Variants in SLC14A2 observed in about 807,000 individuals in gnomAD.
The protein encoded by SLC14A2 is urea transporter 2.
In SLC14A2, 91 loss-of-function variants were observed where a neutral mutation model predicts 104.6. That is an observed-to-expected ratio of 0.87 (90% CI 0.73 to 1.04). The LOEUF (loss-of-function observed/expected upper bound fraction) is 1.04. Ranked by LOEUF, SLC14A2 falls within the 50% of genes least tolerant of loss-of-function variation. The pLI, the probability that SLC14A2 is intolerant of heterozygous loss-of-function variation, is 0.00. For missense variants in SLC14A2, 1,189 were observed against 1,156.0 expected (o/e 1.03, Z -0.41); for synonymous variants, 476 against 466.4 (o/e 1.02, Z -0.27).
chr18:45,654,453 GA>G (rs2045796225), intron 10 of SLC14A2, among the ~76,000 whole-genome samples: 2 of 152,188 alleles, frequency 1.3e-5, no homozygotes, highest in African/African-American at 2.4e-5. Flanking sequence ...GCCCAGGTAA[GA>G]AGTCCTGGGG....
At chr18:45,182,139 TAAAG>T in the SLC14A2 span, among the ~76,000 whole-genome samples, 1,200 of 151,972 alleles carry the variant, frequency 7.9e-3, 22 homozygotes, top group African/African-American at 0.027. Context: ...ATCTAAAAAA[TAAAG>T]AGAGTAAAAT....
chr18:45,461,843 A>G (rs373306371), intron 1 of SLC14A2, among the ~76,000 whole-genome samples: 4 of 152,296 alleles, frequency 2.6e-5, no homozygotes, highest in African/African-American at 9.6e-5. Flanking sequence ...GCAACTCATC[A>G]ATTCTTCGTA....
intron 1 of SLC14A2, among the ~76,000 whole-genome samples, chr18:45,306,463 A>C (rs1049088603): frequency 6.6e-6 from 1 of 152,230 alleles, no homozygotes; most frequent in Non-Finnish European, 1.5e-5. Flanking sequence ...CCCTCGTAGC[A>C]TGAAAGCAGC....
At chr18:45,360,605 C>A (rs183531190) in intron 1 of SLC14A2, among the ~76,000 whole-genome samples, 1 of 152,298 alleles carries the variant, frequency 6.6e-6, no homozygotes, top group Admixed American at 6.5e-5. Flanking sequence ...GTGTGTACTT[C>A]CCCAGACAAC....
intron 1 of SLC14A2, among the ~76,000 whole-genome samples, chr18:45,229,353 A>G (rs74533247): frequency 0.053 from 8,097 of 152,210 alleles, 258 homozygotes; most frequent in Middle Eastern, 0.065. Flanking sequence ...AAAGTAGATA[A>G]TAGATATAGA....
chr18:45,521,372 A>G lies in SLC14A2; in HGVS notation c.-35+38050A>G, dbSNP rs2043514417. ...GGAATGCAGAATACATAACTCAGAAAGAGTGCACAGGGTTAGGGATAGAGA... is the reference window on the plus strand; with the variant it reads ...GGAATGCAGAATACATAACTCAGAAGGAGTGCACAGGGTTAGGGATAGAGA... On this transcript the variant is annotated intron_variant, in intron 2 of 20. Transcript: ENST00000586448. 2.0e-5 allele frequency among the ~76,000 whole-genome samples: 3 copies of G among 152,214 alleles called. No homozygotes were observed. In the South Asian group the frequency reaches 6.2e-4, roughly 31 times the overall value.
At chr18:45,439,704 G>A (rs1352082941) in intron 1 of SLC14A2, among the ~76,000 whole-genome samples, 1 of 152,172 alleles carries the variant, frequency 6.6e-6, no homozygotes, top group East Asian at 1.9e-4. Context: ...CCCACATTTG[G>A]TGGAGAGTTT....
chr18:45,191,552 ATGACATATCT>A, the SLC14A2 span, among the ~76,000 whole-genome samples: 1 of 152,222 alleles, frequency 6.6e-6, no homozygotes, highest in Admixed American at 6.5e-5. Context: ...GTTCAATTAA[ATGACATATCT>A]TGGTTCTCAA....
intron 2 of SLC14A2, among the ~76,000 whole-genome samples, chr18:45,566,959 G>C (rs2044274859): frequency 6.6e-6 from 1 of 151,938 alleles, no homozygotes; most frequent in South Asian, 2.1e-4. Flanking sequence ...GTGGTCAATG[G>C]GAATCTGGTG....
chr18:45,242,219 A>G (rs1261173597), intron 1 of SLC14A2, among the ~76,000 whole-genome samples: 2 of 151,912 alleles, frequency 1.3e-5, no homozygotes, highest in African/African-American at 4.8e-5. Flanking sequence ...ATTTCCTCAC[A>G]CTGTAAATTG....
intron 1 of SLC14A2, among the ~76,000 whole-genome samples, chr18:45,276,380 T>A (rs935153961): frequency 6.6e-6 from 1 of 152,190 alleles, no homozygotes; most frequent in Non-Finnish European, 1.5e-5. Context: ...TAGAAGAGGC[T>A]TTGAAATCTA....
At chr18:45,360,189 G>A (rs2085596527) in intron 1 of SLC14A2, among the ~76,000 whole-genome samples, 1 of 152,150 alleles carries the variant, frequency 6.6e-6, no homozygotes, top group African/African-American at 2.4e-5. Flanking sequence ...CCTGATGGCT[G>A]CCCCAGCCCC....
the SLC14A2 span, among the ~76,000 whole-genome samples, chr18:45,194,237 A>T: frequency 6.6e-6 from 1 of 152,178 alleles, no homozygotes; most frequent in Non-Finnish European, 1.5e-5. Context: ...TATAATGCTG[A>T]CTAGAAGTGA....
intron 2 of SLC14A2, among the ~76,000 whole-genome samples, chr18:45,549,329 G>A (rs1169240564): frequency 6.6e-6 from 1 of 152,248 alleles, no homozygotes; most frequent in Non-Finnish European, 1.5e-5. Context: ...CTGATATTCA[G>A]ATGTGCTACC....
At chr18:45,236,269 G>A (rs143175441) in intron 1 of SLC14A2, among the ~76,000 whole-genome samples, 658 of 41,130 alleles carry the variant, frequency 0.016, 70 homozygotes, top group East Asian at 0.055. Context: ...ATATATACAT[G>A]TATGTGTGTA....
At chr18:45,451,286 G>T (rs907253590) in intron 1 of SLC14A2, among the ~76,000 whole-genome samples, 3 of 152,054 alleles carry the variant, frequency 2.0e-5, no homozygotes, top group Non-Finnish European at 2.9e-5. Context: ...TAAGAGAGGG[G>T]GTTCTCGGGG....
intron 2 of SLC14A2, among the ~76,000 whole-genome samples, chr18:45,487,213 C>T (rs1204184886): frequency 2.6e-5 from 4 of 152,180 alleles, no homozygotes; most frequent in Non-Finnish European, 5.9e-5. Flanking sequence ...GCCTGCATTC[C>T]TTGGCTGATG....
chr18:45,387,375 A>G (rs2612575), intron 1 of SLC14A2, among the ~76,000 whole-genome samples: 102,025 of 151,964 alleles, frequency 0.67, 35,345 homozygotes, highest in East Asian at 0.88. Flanking sequence ...TAACCCTCCC[A>G]CATCACCATG....
At chr18:45,262,521 G>A (rs987039854) in intron 1 of SLC14A2, among the ~76,000 whole-genome samples, 5 of 152,210 alleles carry the variant, frequency 3.3e-5, no homozygotes, top group African/African-American at 1.2e-4. Flanking sequence ...GCCAGGGTGA[G>A]AGGGTAGGCC....
Sources: allele counts gnomAD v4.1 joint callset (sites outside exome capture counted in the v4.1 genomes callset), GRCh38; gene constraint gnomAD v4.1.1; transcripts MANE v1.5; gene names NCBI Gene and HGNC (gene_info 2026-07-23, HGNC 2026-07-21).